ZNF407: variants seen among roughly 807,000 people sequenced by gnomAD.
ZNF407 encodes the protein zinc finger protein 407.
In ZNF407, 17 loss-of-function variants were observed where a neutral mutation model predicts 131.2. That is an observed-to-expected ratio of 0.13 (90% CI 0.09 to 0.19). The LOEUF is 0.19. ZNF407 is among the 10% of genes least tolerant of loss of function. The probability of loss-of-function intolerance (pLI) is 1.00; values close to 1 mark genes in which losing one functional copy is unlikely to be tolerated. For synonymous variants in ZNF407, 1,156 were observed against 1,062.0 expected, an observed-to-expected ratio of 1.09 and a Z score of -1.72; for missense variants, 2,681 against 2,830.6, an observed-to-expected ratio of 0.95 and a Z score of 1.20.
intron 8 of ZNF407, among the ~76,000 whole-genome samples, chr18:74,948,489 A>G (rs1037003372): frequency 6.6e-6 from 1 of 152,186 alleles, no homozygotes; most frequent in African/African-American, 2.4e-5. Context: ...TCAGCTTTGC[A>G]GTTTCGATTC....
intron 4 of ZNF407, among the ~76,000 whole-genome samples, chr18:74,838,416 C>T (rs1970587201): frequency 6.6e-6 from 1 of 152,166 alleles, no homozygotes; most frequent in Admixed American, 6.5e-5. Context: ...GCCTGTGAAG[C>T]TTTTACTCTG....
chr18:74,632,128 G>T lies in ZNF407; in HGVS notation c.1109G>T (p.Gly370Val), dbSNP rs1041132254. The change falls in exon 2 of 9, where the codon GGT becomes GTT. Residue 370 changes from glycine to valine, a missense_variant. Gly to Val is a moderately radical substitution (Grantham distance 109). Transcript: ENST00000299687. ...EIVEEHVTSL[G>V]LAQNPENQSR... The stretch of plus-strand genomic sequence containing the variant: ...GTTGAAGAACATGTTACTTCCCTTG[G>T]TCTAGCTCAGAATCCTGAAAACCAG... 2.5e-6 allele frequency: 4 copies of T among 1,613,810 alleles called. No individual in the cohort carries two copies. In the South Asian group the frequency reaches 3.3e-5, roughly 13 times the overall value.
intron 4 of ZNF407, among the ~76,000 whole-genome samples, chr18:74,838,868 T>C (rs1028336191): frequency 6.6e-6 from 1 of 152,180 alleles, no homozygotes; most frequent in African/African-American, 2.4e-5. Flanking sequence ...TTCAAACTGT[T>C]TTGCAGCCAT....
chr18:74,617,264 G>A, intron 1 of ZNF407, among the ~76,000 whole-genome samples: 3 of 151,692 alleles, frequency 2.0e-5, no homozygotes, highest in African/African-American at 7.3e-5. Flanking sequence ...TAAACACTCA[G>A]TCTGTATCAT....
intron 4 of ZNF407, among the ~76,000 whole-genome samples, chr18:74,807,196 G>T (rs9967155): frequency 0.018 from 2,781 of 152,216 alleles, 80 homozygotes; most frequent in African/African-American, 0.057. Context: ...GTATTCTGAG[G>T]CTGAGTAGGA....
intron 3 of ZNF407, among the ~76,000 whole-genome samples, chr18:74,676,490 G>C (rs1477300866): frequency 6.8e-6 from 1 of 146,582 alleles, no homozygotes; most frequent in Admixed American, 6.9e-5. Flanking sequence ...AGGCTGGAGT[G>C]CAGTGGCGGG....
intron 3 of ZNF407, among the ~76,000 whole-genome samples, chr18:74,650,112 A>T (rs1985158619): frequency 6.6e-6 from 1 of 152,212 alleles, no homozygotes; most frequent in Admixed American, 6.5e-5. Context: ...GGATTGTCAA[A>T]AATAGCATTT....
chr18:74,938,793 A>T (rs983695855), intron 8 of ZNF407, among the ~76,000 whole-genome samples: 4 of 152,210 alleles, frequency 2.6e-5, no homozygotes, highest in Admixed American at 1.3e-4. Context: ...TCTAAGAAGG[A>T]CCATCAGGAT....
chr18:74,839,850 CAT>C (rs1397873036), intron 4 of ZNF407, among the ~76,000 whole-genome samples: 1 of 152,110 alleles, frequency 6.6e-6, no homozygotes, highest in African/African-American at 2.4e-5. Flanking sequence ...TGACATCAGT[CAT>C]AGTGATATTT....
chr18:74,660,630 A>G (rs484609), intron 3 of ZNF407, among the ~76,000 whole-genome samples: 131,467 of 152,128 alleles, frequency 0.86, 57,965 homozygotes, highest in East Asian at 0.96. Context: ...TAAAATTCAT[A>G]TTCCTTTCCT....
At chr18:74,889,075 G>A (rs897361055) in intron 6 of ZNF407, among the ~76,000 whole-genome samples, 2 of 152,276 alleles carry the variant, frequency 1.3e-5, no homozygotes, top group East Asian at 3.9e-4. Context: ...CTGTGTTACA[G>A]TTGCCTACAG....
intron 4 of ZNF407, among the ~76,000 whole-genome samples, chr18:74,873,298 T>C (rs545687836): frequency 6.6e-6 from 1 of 152,294 alleles, no homozygotes; most frequent in South Asian, 2.1e-4. Flanking sequence ...AAATTTTCAG[T>C]CTAAAGATGT....
chr18:74,991,378 A>C (rs1972717049), intron 8 of ZNF407, among the ~76,000 whole-genome samples: 1 of 152,152 alleles, frequency 6.6e-6, no homozygotes, highest in African/African-American at 2.4e-5. Flanking sequence ...GATTTCTAGA[A>C]CTATATATTT....
At chr18:74,944,946 G>A (rs1190797923) in intron 8 of ZNF407, among the ~76,000 whole-genome samples, 1 of 152,028 alleles carries the variant, frequency 6.6e-6, no homozygotes, top group East Asian at 1.9e-4. Flanking sequence ...TTTTTTTGTT[G>A]TTGTTGATTT....
chr18:74,847,779 T>C (rs928237895), intron 4 of ZNF407, among the ~76,000 whole-genome samples: 6 of 152,042 alleles, frequency 3.9e-5, no homozygotes, highest in African/African-American at 1.4e-4. Flanking sequence ...TGATATCTCT[T>C]CCTTTAAAGA....
chr18:74,672,485 G>GTCTGTTCGTTGGAGCACTGTGTC (rs1986185648), intron 3 of ZNF407, among the ~76,000 whole-genome samples: 1 of 150,854 alleles, frequency 6.6e-6, no homozygotes, highest in African/African-American at 2.4e-5. Context: ...AGCACCGTTT[G>GTCTGTTCGTTGGAGCACTGTGTC]TCTGTTCGTT....
intron 8 of ZNF407, among the ~76,000 whole-genome samples, chr18:75,008,773 T>C (rs1041574481): frequency 6.6e-6 from 1 of 152,226 alleles, no homozygotes; most frequent in African/African-American, 2.4e-5. Flanking sequence ...TTTGCGGTTT[T>C]ACTTTTTATA....
chr18:75,021,443 AT>A (rs1321951934), intron 8 of ZNF407, among the ~76,000 whole-genome samples: 8 of 149,714 alleles, frequency 5.3e-5, no homozygotes, highest in African/African-American at 1.2e-4. Flanking sequence ...CTAATTTTTT[AT>A]TTTTTTTTAG....
In ZNF407 at chr18:75,063,721, G is replaced by A; in HGVS notation, c.6000G>A (p.Gly2000=). Residue 2000 remains glycine (G), a synonymous_variant, in exon 9 of 9, where the codon GGG becomes GGA. Transcript: ENST00000299687. The surrounding 1 kb of genome is among the most constrained non-coding windows in gnomAD (Gnocchi z 6.6). ...TGCTCTGTGCGGTCACTGAATTAGG[G>A]GAGGTGGAGGGCAGGGCTGGGCTCG... is the stretch of plus-strand genomic sequence containing the variant. The part of the protein sequence containing the change: ...DALLCAVTEL[G]EVEGRAGLEE... 1 of 1,611,738 alleles carries A rather than the reference G, an allele frequency of 6.2e-7. No homozygotes were observed. Among genetic ancestry groups the A allele is most frequent in the Non-Finnish European group, 8.5e-7 (1 of 1,179,776 alleles).
Sources: allele counts gnomAD v4.1 joint callset (sites outside exome capture counted in the v4.1 genomes callset), GRCh38; gene constraint gnomAD v4.1.1; non-coding constraint Gnocchi (gnomAD v3.1); transcripts MANE v1.5; gene names NCBI Gene and HGNC (gene_info 2026-07-23, HGNC 2026-07-21).